Variants in DIAPH2 observed in about 807,000 individuals in gnomAD.
DIAPH2 encodes diaphanous related formin 2.
DIAPH2 carries 35 observed loss-of-function variants against 92.7 expected under a neutral mutation model. The observed-to-expected ratio is 0.38, with a 90% CI of 0.29 to 0.50. The LOEUF is 0.50. Among genes scored for constraint, DIAPH2 ranks in the 20% least tolerant of loss-of-function variants. The probability of loss-of-function intolerance (pLI) is 0.94; values close to 1 mark genes in which losing one functional copy is unlikely to be tolerated. For missense variants in DIAPH2, 701 were observed against 819.5 expected (o/e 0.86, Z 1.77); for synonymous variants, 301 against 280.4 (o/e 1.07, Z -0.73).
chrX:96,855,293 G>A (rs545761247), intron 4 of DIAPH2, among the ~76,000 whole-genome samples: 1 of 110,280 alleles, frequency 9.1e-6, no homozygotes, highest in East Asian at 2.8e-4. Context: ...TGAGAGCCGA[G>A]GGACTATCTT....
chrX:96,925,350 G>A (rs2065573849), intron 9 of DIAPH2, among the ~76,000 whole-genome samples: 2 of 110,687 alleles, frequency 1.8e-5, no homozygotes, highest in African/African-American at 6.6e-5. Context: ...CTACCAATTA[G>A]CATATAGCAG....
chrX:97,257,954 G>GT (rs1465236397), intron 23 of DIAPH2, among the ~76,000 whole-genome samples: 2 of 50,260 alleles, frequency 4.0e-5, no homozygotes, highest in Non-Finnish European at 6.7e-5. Context: ...AATGTTCTTT[G>GT]TTTAAAAAAA....
At chrX:97,226,842 A>G (rs370344882) in intron 22 of DIAPH2, among the ~76,000 whole-genome samples, 5 of 112,264 alleles carry the variant, frequency 4.5e-5, no homozygotes, top group African/African-American at 1.6e-4. Context: ...CAGTTAATGT[A>G]TATGTCATAA....
intron 4 of DIAPH2, among the ~76,000 whole-genome samples, chrX:96,843,066 G>A (rs1283718851): frequency 1.8e-5 from 2 of 111,518 alleles, no homozygotes; most frequent in Admixed American, 1.9e-4. Flanking sequence ...TGGAGGTGGG[G>A]CCTGGTGGGA....
Position 96,696,356 on chromosome X carries a change from G to A in DIAPH2, c.132+11166G>A, listed in dbSNP as rs779289404. Among the ~76,000 whole-genome samples, 11 of 112,519 alleles carry A rather than the reference G, an allele frequency of 9.8e-5. No individual in the cohort carries two copies. The Middle Eastern group carries it at 0.018, about 188-fold the overall frequency. ...ATTTTTCTTCTCTCTGGGTGTCAGT[G>A]TATTCTGTAAAATAAGGGAATCGAA... On this transcript the variant is annotated intron_variant, in intron 1 of 26. Coordinates refer to ENST00000324765, the MANE Select transcript of DIAPH2 (RefSeq NM_006729.5).
intron 15 of DIAPH2, among the ~76,000 whole-genome samples, chrX:96,956,060 G>T (rs967631403): frequency 8.9e-6 from 1 of 112,420 alleles, no homozygotes; most frequent in Non-Finnish European, 1.9e-5. Context: ...CTCCATAAGG[G>T]CTCCACCCCT....
At chrX:97,368,899 C>CTT (rs386417287) in intron 24 of DIAPH2, among the ~76,000 whole-genome samples, 1,042 of 51,999 alleles carry the variant, frequency 0.02, 91 homozygotes, top group African/African-American at 0.061. Context: ...TCTACCCTTT[C>CTT]TTTTTTTTTT....
At chrX:96,781,406 C>T (rs1356620330) in intron 4 of DIAPH2, among the ~76,000 whole-genome samples, 1 of 111,482 alleles carries the variant, frequency 9.0e-6, no homozygotes, top group Non-Finnish European at 1.9e-5. Flanking sequence ...TTCCTCCATA[C>T]TCGTGGAATA....
At chrX:97,193,012 C>CTTTTCTTTTTTTTTTT (rs1256888466) in intron 22 of DIAPH2, among the ~76,000 whole-genome samples, 4 of 86,591 alleles carry the variant, frequency 4.6e-5, no homozygotes, top group African/African-American at 1.5e-4. Flanking sequence ...TTTTTCTTTT[C>CTTTTCTTTTTTTTTTT]TTTTTTTTTT....
chrX:97,228,474 T>A (rs1238261560), intron 22 of DIAPH2, among the ~76,000 whole-genome samples: 1 of 111,650 alleles, frequency 9.0e-6, no homozygotes. Context: ...GCGAAAAAAG[T>A]GTTTTGCAAC....
intron 4 of DIAPH2, among the ~76,000 whole-genome samples, chrX:96,833,285 A>T (rs181741092): frequency 5.4e-5 from 6 of 111,550 alleles, no homozygotes; most frequent in Admixed American, 4.8e-4. Flanking sequence ...ATGCTGTGAG[A>T]GAATTTGAAG....
chrX:97,295,487 A>T (rs2068635474), intron 23 of DIAPH2, among the ~76,000 whole-genome samples: 2 of 111,673 alleles, frequency 1.8e-5, no homozygotes, highest in Non-Finnish European at 3.8e-5. Flanking sequence ...ATTCTATAAA[A>T]ATAATCAAAT....
chrX:96,887,779 A>G (rs895411546), intron 5 of DIAPH2, among the ~76,000 whole-genome samples: 9 of 111,832 alleles, frequency 8.0e-5, no homozygotes, highest in Non-Finnish European at 1.5e-4. Flanking sequence ...TTGTTCCTGA[A>G]ACCTTTATTG....
chrX:96,968,588 T>C (rs1402257833), intron 17 of DIAPH2, among the ~76,000 whole-genome samples: 1 of 111,963 alleles, frequency 8.9e-6, no homozygotes, highest in Non-Finnish European at 1.9e-5. Context: ...ATTTGTTTTT[T>C]TGGTTGTTGA....
intron 1 of DIAPH2, among the ~76,000 whole-genome samples, chrX:96,728,558 G>A: frequency 8.9e-6 from 1 of 112,123 alleles, no homozygotes; most frequent in East Asian, 2.8e-4. Context: ...TGCCTTAAGG[G>A]AAGAATCCTT....
chrX:96,834,549 A>G (rs2064875408), intron 4 of DIAPH2, among the ~76,000 whole-genome samples: 1 of 112,308 alleles, frequency 8.9e-6, no homozygotes, highest in Admixed American at 9.5e-5. Context: ...TGGTAATTAG[A>G]TACTAACACA....
intron 17 of DIAPH2, among the ~76,000 whole-genome samples, chrX:96,989,521 T>C (rs1284626963): frequency 8.9e-6 from 1 of 112,240 alleles, no homozygotes; most frequent in Non-Finnish European, 1.9e-5. Flanking sequence ...ACTATTTTAC[T>C]GTATTTCAGT....
chrX:97,490,636 A>G (rs2070719569), intron 26 of DIAPH2, among the ~76,000 whole-genome samples: 1 of 106,425 alleles, frequency 9.4e-6, no homozygotes, highest in African/African-American at 3.4e-5. Flanking sequence ...GATATTTTCT[A>G]ATTTTTTTTT....
chrX:97,103,075 C>T (rs1185420666), intron 20 of DIAPH2, among the ~76,000 whole-genome samples: 1 of 112,025 alleles, frequency 8.9e-6, no homozygotes. Flanking sequence ...CACTGTGCTC[C>T]TGGGTTGTGG....
Sources: gnomAD v4.1 joint callset for allele counts (sites outside exome capture counted in the v4.1 genomes callset) on GRCh38, gnomAD v4.1.1 for gene constraint, MANE v1.5 for transcripts, NCBI Gene and HGNC (gene_info 2026-07-23, HGNC 2026-07-21) for gene names.